The following RARB variants were observed in gnomAD, a reference collection of about 807,000 sequenced individuals.
RARB encodes the protein retinoic acid receptor beta, also known as HBV-activated protein.
A neutral mutation model predicts 51.9 loss-of-function variants in RARB; 17 were observed. That is an observed-to-expected ratio of 0.33 (90% confidence interval 0.22 to 0.49). The LOEUF (loss-of-function observed/expected upper bound fraction) is 0.49. RARB is among the 20% of genes least tolerant of loss of function. The pLI is 0.99. For missense variants in RARB, 369 were observed against 550.8 expected (o/e 0.67, Z 3.30); for synonymous variants, 215 against 195.4 (o/e 1.10, Z -0.84).
Position 25,365,131 on chromosome 3 carries a change from A to G in RARB, c.179-96062A>G, listed in dbSNP as rs543198971. ...GAAAATGAGACCATTCTGGGCTTCT[A>G]GCTTCCTATCCAGAATGTCCTGTGT... On this transcript the variant is annotated intron_variant, in intron 5 of 11. Coordinates refer to the RARB transcript ENST00000383772. 1.5e-3 allele frequency among the ~76,000 whole-genome samples: 233 copies of G among 151,082 alleles called. 1 individual carries two copies. Among genetic ancestry groups the G allele is most frequent in the South Asian group, 9.2e-3 (44 of 4,764 alleles).
intron 5 of RARB, among the ~76,000 whole-genome samples, chr3:25,255,808 AATG>A (rs1393282967): frequency 2.0e-5 from 3 of 152,178 alleles, no homozygotes; most frequent in Non-Finnish European, 4.4e-5. Context: ...GTTTTAAAAA[AATG>A]ATCATTTTTA....
chr3:25,113,132 C>T lies in RARB; in HGVS notation c.-327-19029C>T, dbSNP rs566222389. Reference sequence around the variant, plus strand: ...GTTCTGATTTTTTTCTTCATGTTCTCATTTCTCACTGATCATTTCCTTGCC... The same window carrying T: ...GTTCTGATTTTTTTCTTCATGTTCTTATTTCTCACTGATCATTTCCTTGCC... On this transcript the variant is annotated intron_variant, in intron 3 of 11. Coordinates refer to the RARB transcript ENST00000383772. 7.9e-5 allele frequency among the ~76,000 whole-genome samples: 12 copies of T among 152,224 alleles called. No homozygotes were observed. The South Asian group carries it at 2.5e-3, about 32-fold the overall frequency.
At chr3:25,383,427 A>AT (rs922778973) in intron 5 of RARB, among the ~76,000 whole-genome samples, 10 of 152,200 alleles carry the variant, frequency 6.6e-5, no homozygotes, top group African/African-American at 2.4e-4. Flanking sequence ...CAGCCCCTGT[A>AT]TTGATAGCCT....
chr3:24,930,591 T>C (rs1193474983), intron 2 of RARB, among the ~76,000 whole-genome samples: 1 of 152,126 alleles, frequency 6.6e-6, no homozygotes, highest in Non-Finnish European at 1.5e-5. Flanking sequence ...CAACTAATAT[T>C]AAATACATGC....
intron 2 of RARB, among the ~76,000 whole-genome samples, chr3:24,904,921 C>A (rs942323027): frequency 6.6e-6 from 1 of 152,132 alleles, no homozygotes; most frequent in African/African-American, 2.4e-5. Flanking sequence ...AACAAAAAAC[C>A]AAACACTGCG....
chr3:25,107,824 G>A (rs774914390), intron 3 of RARB, among the ~76,000 whole-genome samples: 27 of 152,232 alleles, frequency 1.8e-4, no homozygotes, highest in South Asian at 4.1e-4. Context: ...TCACAATTTC[G>A]TGGATAAAAT....
intron 2 of RARB, among the ~76,000 whole-genome samples, chr3:24,887,273 A>G (rs956674352): frequency 1.3e-5 from 2 of 152,238 alleles, no homozygotes; most frequent in African/African-American, 2.4e-5. Context: ...ATTACAATAG[A>G]AAATAATTTT....
chr3:24,873,399 A>C (rs190336709), intron 2 of RARB, among the ~76,000 whole-genome samples: 457 of 152,230 alleles, frequency 3.0e-3, no homozygotes, highest in African/African-American at 0.01. Flanking sequence ...TAAATTGTTA[A>C]CAATTATCTT....
intron 2 of RARB, among the ~76,000 whole-genome samples, chr3:25,048,913 C>T (rs575287952): frequency 2.2e-4 from 33 of 152,098 alleles, no homozygotes; most frequent in East Asian, 7.8e-4. Flanking sequence ...CCACTGTGCC[C>T]GGCTAACTTT....
chr3:24,848,933 C>T (rs1021439567), intron 1 of RARB, among the ~76,000 whole-genome samples: 1 of 152,190 alleles, frequency 6.6e-6, no homozygotes, highest in African/African-American at 2.4e-5. Flanking sequence ...CTCCTTACTA[C>T]TCACTTTGGA....
chr3:25,296,438 C>T lies in RARB; in HGVS notation c.178+121863C>T, dbSNP rs149792802. Among the ~76,000 whole-genome samples, 5 of 152,262 alleles carry T rather than the reference C, an allele frequency of 3.3e-5. No individual in the cohort carries two copies. In the East Asian group the frequency reaches 9.7e-4, roughly 29 times the overall value. Reference sequence around the variant, plus strand: ...GGAACTCGGGCAAATTATCTCTGTGCTTCTGTTTCATCATCTGTAACATGT... The same window carrying T: ...GGAACTCGGGCAAATTATCTCTGTGTTTCTGTTTCATCATCTGTAACATGT... On this transcript the variant is annotated intron_variant, in intron 5 of 11. Coordinates refer to the RARB transcript ENST00000383772.
chr3:25,558,684 C>T (rs1700154815), intron 3 of RARB, among the ~76,000 whole-genome samples: 1 of 152,058 alleles, frequency 6.6e-6, no homozygotes, highest in Non-Finnish European at 1.5e-5. Flanking sequence ...CTCTGACAGC[C>T]TCTGGATTCC....
intron 2 of RARB, among the ~76,000 whole-genome samples, chr3:24,939,547 A>C (rs1559404204): frequency 6.6e-6 from 1 of 152,052 alleles, no homozygotes; most frequent in Non-Finnish European, 1.5e-5. Context: ...AAAAAGGCAA[A>C]CTCTTTTTAA....
intron 5 of RARB, among the ~76,000 whole-genome samples, chr3:25,380,936 T>C (rs1455826501): frequency 6.6e-6 from 1 of 152,196 alleles, no homozygotes; most frequent in Non-Finnish European, 1.5e-5. Context: ...CCCATCCTTA[T>C]CTCCTGCATT....
chr3:25,114,426 G>GT (rs55847903), intron 3 of RARB, among the ~76,000 whole-genome samples: 22,306 of 152,128 alleles, frequency 0.15, 1,822 homozygotes, highest in Non-Finnish European at 0.2. Flanking sequence ...GTATCCTTGA[G>GT]TTAAAACATT....
chr3:24,887,246 G>A (rs1032361256), intron 2 of RARB, among the ~76,000 whole-genome samples: 1 of 152,148 alleles, frequency 6.6e-6, no homozygotes. Flanking sequence ...GGGGTGGAGA[G>A]ACAAAAGGAT....
At chr3:25,592,317 T>C (rs116149162) in intron 5 of RARB, among the ~76,000 whole-genome samples, 2,708 of 152,332 alleles carry the variant, frequency 0.018, 83 homozygotes, top group African/African-American at 0.06. Context: ...GGGAAAAACT[T>C]TCAACTTCTT....
At chr3:24,879,626 C>T (rs1016528734) in intron 2 of RARB, among the ~76,000 whole-genome samples, 42 of 151,876 alleles carry the variant, frequency 2.8e-4, no homozygotes, top group Admixed American at 7.9e-4. Flanking sequence ...AGTTTGAGAC[C>T]AGCTTGGAAA....
rs56791007 is a variant in RARB at position 25,201,161 on chromosome 3, T to G, written c.178+26586T>G. Among the ~76,000 whole-genome samples the G allele has an allele frequency of 4.6e-3, 695 of 152,238 alleles. 8 individuals are homozygous for G. Among genetic ancestry groups the G allele is most frequent in the African/African-American group, 0.016 (652 of 41,528 alleles). Reference sequence around the variant, plus strand: ...GTTCCTTCACATCCCTTGTAAGTTGTGTTCCTGGGTATTTTATTCTCTTTG... The same window carrying G: ...GTTCCTTCACATCCCTTGTAAGTTGGGTTCCTGGGTATTTTATTCTCTTTG... On this transcript the variant is annotated intron_variant, in intron 5 of 11. Transcript: ENST00000383772.
Sources: allele counts gnomAD v4.1 joint callset (sites outside exome capture counted in the v4.1 genomes callset), GRCh38; gene constraint gnomAD v4.1.1; transcripts MANE v1.5; gene names NCBI Gene and HGNC (gene_info 2026-07-23, HGNC 2026-07-21).